The following SYT6 variants were observed in gnomAD, a reference collection of about 807,000 sequenced individuals.
SYT6 encodes synaptotagmin-6.
A neutral mutation model predicts 38.4 loss-of-function variants in SYT6; 24 were observed. The observed-to-expected ratio is 0.62, with a 90% CI of 0.45 to 0.88. The LOEUF (loss-of-function observed/expected upper bound fraction) is 0.88. Among genes scored for constraint, SYT6 ranks in the 40% least tolerant of loss-of-function variants. The pLI is 0.00. For synonymous variants in SYT6, 265 were observed against 241.9 expected (o/e 1.10, Z -0.89); for missense variants, 611 against 621.0 (o/e 0.98, Z 0.17).
chr1:114,107,258 T>G (rs1676381916), intron 3 of SYT6, among the ~76,000 whole-genome samples: 1 of 152,222 alleles, frequency 6.6e-6, no homozygotes, highest in South Asian at 2.1e-4. Context: ...CTCTATGAAC[T>G]GCTGTCAGGA....
chr1:114,148,666 ATCAT>A (rs200209732), intron 1 of SYT6, among the ~76,000 whole-genome samples: 2,042 of 137,236 alleles, frequency 0.015, 43 homozygotes, highest in African/African-American at 0.054. Flanking sequence ...TACTAATAAT[ATCAT>A]TTATTTATTT....
rs548811232 is a variant in SYT6, at chr1:114,097,031, A to C, written c.1515+696T>G. Among the ~76,000 whole-genome samples, 3 of 152,282 alleles carry C rather than the reference A, an allele frequency of 2.0e-5. No individual in the cohort carries two copies. The East Asian group carries it at 5.8e-4, about 29-fold the overall frequency. On this transcript the variant is annotated intron_variant, in intron 6 of 7. Coordinates refer to ENST00000610222, the MANE Select transcript of SYT6 (RefSeq NM_001253772.2). ...TGGAGAAGTTTGCAGATATTACTCA[A>C]AGGGATATTTTCTTTGCAGTTGAGG...
Position 114,089,347 on chromosome 1 carries a change from G to A in SYT6, c.*2787C>T, listed in dbSNP as rs1675164478. Reference sequence around the variant, plus strand: ...AAACTCCAGGCTGTGACACGGGTGGGAAGACACAAACGAGTAATTAACAAC... The same window carrying A: ...AAACTCCAGGCTGTGACACGGGTGGAAAGACACAAACGAGTAATTAACAAC... On this transcript the variant is annotated 3_prime_UTR_variant, in exon 8 of 8. Transcript: ENST00000610222. 1 of 152,734 alleles carries A rather than the reference G, an allele frequency of 6.5e-6. No individual in the cohort carries two copies. The highest frequency in any genetic ancestry group is 1.5e-5 in the Non-Finnish European group (1 of 68,032). 9.5% of individuals were successfully genotyped at this position (152,734 alleles called of 1,614,324 possible).
At chr1:114,094,647 C>T (rs1371896717) in intron 6 of SYT6, among the ~76,000 whole-genome samples, 1 of 152,200 alleles carries the variant, frequency 6.6e-6, no homozygotes, top group Non-Finnish European at 1.5e-5. Context: ...AAGTATAATG[C>T]CCTCTGTTCT....
intron 1 of SYT6, among the ~76,000 whole-genome samples, chr1:114,144,938 C>G (rs969030049): frequency 6.6e-6 from 1 of 152,008 alleles, no homozygotes; most frequent in Non-Finnish European, 1.5e-5. Flanking sequence ...ACCACCACCC[C>G]CTTCCCAAGC....
At chr1:114,142,824 T>G (rs1678933651) in intron 1 of SYT6, among the ~76,000 whole-genome samples, 1 of 152,224 alleles carries the variant, frequency 6.6e-6, no homozygotes, top group Non-Finnish European at 1.5e-5. Context: ...GGCTCATTTT[T>G]AGCAATTTAG....
chr1:114,146,932 C>T (rs1679186235), intron 1 of SYT6, among the ~76,000 whole-genome samples: 1 of 152,146 alleles, frequency 6.6e-6, no homozygotes, highest in Non-Finnish European at 1.5e-5. Flanking sequence ...GAGGATAGTG[C>T]CTAAGATGTA....
intron 3 of SYT6, among the ~76,000 whole-genome samples, chr1:114,134,605 G>A (rs953880882): frequency 3.9e-5 from 6 of 152,338 alleles, no homozygotes; most frequent in African/African-American, 1.4e-4. Context: ...CCACATGGAG[G>A]ATGACGGCAG....
At chr1:114,115,191 G>C (rs909678100) in intron 3 of SYT6, among the ~76,000 whole-genome samples, 1 of 152,188 alleles carries the variant, frequency 6.6e-6, no homozygotes, top group Non-Finnish European at 1.5e-5. Context: ...AGAAGGCAGG[G>C]CCAATAATCT....
At chr1:114,092,344 G>C (rs542628029) in intron 7 of SYT6, among the ~76,000 whole-genome samples, 8,304 of 134,188 alleles carry the variant, frequency 0.062, 358 homozygotes, top group African/African-American at 0.15. Context: ...CTCTCTGTGT[G>C]TGTGTGTGTG....
intron 1 of SYT6, among the ~76,000 whole-genome samples, chr1:114,148,664 A>ATTT (rs1679278901): frequency 6.7e-6 from 1 of 150,222 alleles, no homozygotes; most frequent in African/African-American, 2.5e-5. Context: ...AATACTAATA[A>ATTT]TATCATTTAT....
intron 3 of SYT6, among the ~76,000 whole-genome samples, chr1:114,108,194 A>G (rs1676445456): frequency 6.6e-6 from 1 of 152,162 alleles, no homozygotes; most frequent in Admixed American, 6.5e-5. Context: ...GTCGCTGCCC[A>G]TATTAGTAGC....
In SYT6 at chr1:114,095,325, G is replaced by A. The variant is rs1467420912; in HGVS notation, c.1516-1522C>T. On this transcript the variant is annotated intron_variant, in intron 6 of 7. Transcript: ENST00000610222. Reference sequence around the variant, plus strand: ...TGAGTTAGAGTTCTCAAAGAAACAGGGACTTGGAATCAATTATTTGGCTTA... The same window carrying A: ...TGAGTTAGAGTTCTCAAAGAAACAGAGACTTGGAATCAATTATTTGGCTTA... Among the ~76,000 whole-genome samples the A allele has an allele frequency of 3.9e-5, 6 of 152,252 alleles. No individual in the cohort carries two copies. In the East Asian group the frequency reaches 1.2e-3, roughly 29 times the overall value.
In SYT6 at chr1:114,137,558, G is replaced by A. The variant is rs980275225; in HGVS notation, c.1008C>T (p.Leu336=). Residue 336 remains leucine (L), a synonymous_variant, in exon 3 of 8, where the codon CTC becomes CTT. Coordinates refer to ENST00000610222, the MANE Select transcript of SYT6 (RefSeq NM_001253772.2). The part of the protein sequence containing the change: ...DMIGEVILDN[L]FEASDLSRET... The stretch of plus-strand genomic sequence containing the variant: ...CCCGAGACAGGTCAGAGGCCTCAAA[G>A]AGGTTGTCCAGGATGACCTCGCCAA... 9 of 1,614,134 alleles carry A rather than the reference G, an allele frequency of 5.6e-6. No individual in the cohort carries two copies. Among genetic ancestry groups the A allele is most frequent in the Non-Finnish European group, 6.8e-6 (8 of 1,180,056 alleles).
chr1:114,103,620 C>T lies in SYT6; in HGVS notation c.1173G>A (p.Met391Ile). ...TVIKCRNLKA[M>I]DITGYSDPYV... ...AGGTACCTGAATAGCCTGTGATGTC[C>T]ATCGCCTTGAGGTTCCGACACTTAA... Residue 391 changes from methionine to isoleucine, a missense_variant, in exon 4 of 8, where the codon ATG (methionine) becomes ATA (isoleucine). Coordinates refer to ENST00000610222, the MANE Select transcript of SYT6 (RefSeq NM_001253772.2). 6.2e-7 allele frequency: 1 copy of T among 1,614,182 alleles called. No homozygotes were observed.
intron 3 of SYT6, among the ~76,000 whole-genome samples, chr1:114,136,009 C>T (rs1044931838): frequency 3.9e-5 from 6 of 152,166 alleles, no homozygotes; most frequent in African/African-American, 1.4e-4. Flanking sequence ...TGTCTGCTCG[C>T]CCCGTCTGCC....
rs1237044024 is a variant in SYT6 at position 114,139,842 on chromosome 1, A to T, written c.285T>A (p.Ser95Arg). ...WMPWRNKEASSPSSANPPLEA... is the reference protein window; with the variant it reads ...WMPWRNKEASRPSSANPPLEA... Reference sequence around the variant, plus strand: ...CCAAGGGGGGATTAGCAGAAGAGGGACTGGAGGCCTCCTTGTTCCTCCAGG... The same window carrying T: ...CCAAGGGGGGATTAGCAGAAGAGGGTCTGGAGGCCTCCTTGTTCCTCCAGG... The change falls in exon 2 of 8, where the codon AGT (serine) becomes AGA (arginine). Residue 95 changes from serine to arginine, a missense_variant. Coordinates refer to ENST00000610222, the MANE Select transcript of SYT6 (RefSeq NM_001253772.2). 1 of 1,590,792 alleles carries T rather than the reference A, an allele frequency of 6.3e-7. No homozygotes were observed. Among genetic ancestry groups the T allele is most frequent in the South Asian group, 1.1e-5 (1 of 87,190 alleles).
intron 3 of SYT6, among the ~76,000 whole-genome samples, chr1:114,128,303 A>T (rs2774308): frequency 0.81 from 123,290 of 152,198 alleles, 50,407 homozygotes; most frequent in African/African-American, 0.92. Flanking sequence ...AAGGCAGAAT[A>T]CTAGGGATAC....
chr1:114,121,926 T>C (rs1438393698), intron 3 of SYT6, among the ~76,000 whole-genome samples: 1 of 152,218 alleles, frequency 6.6e-6, no homozygotes, highest in Non-Finnish European at 1.5e-5. Context: ...AGCCCTGTGG[T>C]AGAGATTGTT....
Sources: gnomAD v4.1 joint callset for allele counts (sites outside exome capture counted in the v4.1 genomes callset) on GRCh38, gnomAD v4.1.1 for gene constraint, MANE v1.5 for transcripts, NCBI Gene and HGNC (gene_info 2026-07-23, HGNC 2026-07-21) for gene names.